Variants in CARD10 observed in about 807,000 individuals in gnomAD.
CARD10 encodes the protein caspase recruitment domain family member 10.
In CARD10, 49 loss-of-function variants were observed where a neutral mutation model predicts 114.6. The observed-to-expected ratio is 0.43, with a 90% CI of 0.34 to 0.54. The LOEUF (loss-of-function observed/expected upper bound fraction) is 0.54, where lower values mean the gene tolerates loss of function less well. Ranked by LOEUF, CARD10 falls within the 20% of genes least tolerant of loss-of-function variation. The probability of loss-of-function intolerance (pLI) is 0.03; values close to 1 mark genes in which losing one functional copy is unlikely to be tolerated. For missense variants in CARD10, 1,206 were observed against 1,397.2 expected (o/e 0.86, Z 2.18); for synonymous variants, 602 against 593.2 (o/e 1.01, Z -0.21).
intron 11 of CARD10, among the ~76,000 whole-genome samples, chr22:37,500,744 C>T (rs1036584602): frequency 1.4e-4 from 22 of 152,214 alleles, no homozygotes; most frequent in African/African-American, 4.6e-4. Context: ...TGTCTCTGTA[C>T]TTCAGTGTCC....
chr22:37,509,136 C>A, intron 4 of CARD10: 4 of 1,489,290 alleles, frequency 2.7e-6, no homozygotes, highest in Non-Finnish European at 3.6e-6. Flanking sequence ...CAGACCCACA[C>A]CCCAGCCAAG....
At chr22:37,498,537 C>A (rs1379538201) in intron 11 of CARD10, among the ~76,000 whole-genome samples, 3 of 152,222 alleles carry the variant, frequency 2.0e-5, no homozygotes, top group Non-Finnish European at 4.4e-5. Flanking sequence ...GCACTGCCCC[C>A]TGCTGCCAGC....
In CARD10 at chr22:37,504,491, C is replaced by G. The variant is rs369328384; in HGVS notation, c.1518+144G>C. On this transcript the variant is annotated intron_variant, in intron 8 of 19. Coordinates refer to ENST00000251973, the MANE Select transcript of CARD10 (RefSeq NM_014550.4). ...ACCTATGCCTGGCAAGGAAATGGTT[C>G]TGGGTGAGCTTCAGTAAAGTACTTG... 79 of 1,347,318 alleles carry G rather than the reference C, an allele frequency of 5.9e-5. No homozygotes were observed. The African/African-American group carries it at 1.0e-3, about 18-fold the overall frequency. The allele number at this position is 1,347,318 out of a possible 1,614,324, so 83.5% of individuals were successfully genotyped here.
In CARD10 at chr22:37,492,914, G is replaced by GCTC; in HGVS notation, c.2477-115_2477-113dup. 8.8e-7 allele frequency: 1 copy of GCTC among 1,142,446 alleles called. No homozygotes were observed. The highest frequency in any genetic ancestry group is 1.5e-5 in the South Asian group (1 of 66,666). 70.8% of individuals were successfully genotyped at this position (1,142,446 alleles called of 1,614,324 possible). A position where few individuals can be genotyped will look rare whatever the true frequency, so the allele number is the denominator to read the frequency against. On this transcript the variant is annotated intron_variant, in intron 16 of 19. Coordinates refer to ENST00000251973, the MANE Select transcript of CARD10 (RefSeq NM_014550.4). This position sits in a 1 kb window ranked among gnomAD's most constrained non-coding sequence, Gnocchi z 5.7. ...CCATCCCTTCCTAAGTCCTGCTGCT[G>GCTC]CTCCTCCTACACATGCACACACACA...
chr22:37,503,977 G>A (rs995778128), intron 9 of CARD10: 18 of 704,142 alleles, frequency 2.6e-5, no homozygotes, highest in Middle Eastern at 4.6e-4. Flanking sequence ...GACTGAGTTC[G>A]CTCTGCCCAT....
At chr22:37,505,593 T>A (rs1341910428) in intron 7 of CARD10, among the ~76,000 whole-genome samples, 1 of 151,336 alleles carries the variant, frequency 6.6e-6, no homozygotes. Flanking sequence ...CGAGAATAAC[T>A]TGAACCTGGG....
chr22:37,508,785 A>C, intron 4 of CARD10, 103 bp from the exon 5 acceptor site: 5 of 1,328,524 alleles, frequency 3.8e-6, no homozygotes, highest in Non-Finnish European at 4.1e-6. Flanking sequence ...AACCCACCTG[A>C]CCAGCTCTGC....
At chr22:37,507,175 G>A (rs962821777) in intron 6 of CARD10, among the ~76,000 whole-genome samples, 2 of 152,202 alleles carry the variant, frequency 1.3e-5, no homozygotes, top group Non-Finnish European at 2.9e-5. Context: ...TACTTGGGAG[G>A]CTGAGGCAGG....
At position 37,494,187 on chromosome 22, in the gene CARD10, A is replaced by G; in HGVS notation, c.2375T>C (p.Leu792Pro). The change falls in exon 16 of 20, where the codon CTG becomes CCG. Residue 792 changes from leucine to proline, a missense_variant and splice_region_variant. Around this residue, in one of 2 missense-constraint regions of CARD10, gnomAD observed 1,068 missense variants for 1,179.1 expected, o/e 0.91. Transcript: ENST00000251973. ...SSRHRGPRSNLKKRALDQLRL... is the reference protein window; with the variant it reads ...SSRHRGPRSNPKKRALDQLRL... ...CAGCTGGTCCAGGGCTCTCTTCTTCAGCTGGGAGGGTGCAGGGACAGAGGA... is the reference window on the plus strand; with the variant it reads ...CAGCTGGTCCAGGGCTCTCTTCTTCGGCTGGGAGGGTGCAGGGACAGAGGA... The G allele has an allele frequency of 6.4e-7, 1 of 1,551,210 alleles. No homozygotes were observed. The highest frequency in any genetic ancestry group is 1.2e-5 in the South Asian group (1 of 84,132).
chr22:37,494,567 T>C (rs902075095), intron 15 of CARD10: 9 of 243,350 alleles, frequency 3.7e-5, no homozygotes, highest in Non-Finnish European at 6.4e-5. Context: ...CAATGTGACC[T>C]TGGTAGAAAA....
chr22:37,494,976 T>G (rs1449218939), intron 15 of CARD10, among the ~76,000 whole-genome samples: 2 of 152,238 alleles, frequency 1.3e-5, no homozygotes, highest in East Asian at 1.9e-4. Context: ...TTTGTTTTTT[T>G]TTTTGAAACG....
chr22:37,498,968 G>A (rs1449403513), intron 11 of CARD10, among the ~76,000 whole-genome samples: 1 of 151,960 alleles, frequency 6.6e-6, no homozygotes, highest in Non-Finnish European at 1.5e-5. Flanking sequence ...AGGACTCTGG[G>A]GCCTCCAAAC....
intron 2 of CARD10, among the ~76,000 whole-genome samples, chr22:37,517,085 G>C (rs750826238): frequency 1.3e-5 from 2 of 152,172 alleles, no homozygotes; most frequent in African/African-American, 4.8e-5. Flanking sequence ...CTCTTCGCCT[G>C]AGACACATTT....
At chr22:37,510,124 C>T (rs1923579497) in intron 4 of CARD10, 88 bp downstream of exon 4, 2 of 1,099,218 alleles carry the variant, frequency 1.8e-6, no homozygotes, top group African/African-American at 3.1e-5. Flanking sequence ...ATCCCCCACC[C>T]CGCAGCCTGT....
chr22:37,495,974 C>T lies in CARD10; in HGVS notation c.2089G>A (p.Ala697Thr), dbSNP rs771555352. Reference protein sequence around the residue: ...ACQSFHEALEAWAKGPGAEPF... With the variant: ...ACQSFHEALETWAKGPGAEPF... Reference sequence around the variant, plus strand: ...TCGGCACCTGGTCCCTTTGCCCAGGCTTCTAGGGCCTCGTGGAAGGACTGG... The same window carrying T: ...TCGGCACCTGGTCCCTTTGCCCAGGTTTCTAGGGCCTCGTGGAAGGACTGG... Residue 697 changes from alanine to threonine, a missense_variant, in exon 14 of 20, where the codon GCC becomes ACC. Physicochemically the swap from Ala to Thr is moderately conservative, Grantham distance 58. This residue lies in a region of CARD10 where 1,068 missense variants were observed against 1,179.1 expected (regional missense o/e 0.91). Transcript: ENST00000251973. 1 of 1,614,010 alleles carries T rather than the reference C, an allele frequency of 6.2e-7. No individual in the cohort carries two copies. The highest frequency in any genetic ancestry group is 1.1e-5 in the South Asian group (1 of 91,086).
At chr22:37,506,135 GCTCCTGCCAGGACCCCAGC>G in intron 7 of CARD10, 38 bp downstream of exon 7, 1 of 1,359,218 alleles carries the variant, frequency 7.4e-7, no homozygotes, top group East Asian at 2.7e-5. Flanking sequence ...CTGGCCAAGA[GCTCCTGCCAGGACCCCAGC>G]CTTCCTGCCA....
At chr22:37,493,003 C>G (rs562609712) in intron 16 of CARD10, among the ~76,000 whole-genome samples, 21 of 152,270 alleles carry the variant, frequency 1.4e-4, no homozygotes, top group Admixed American at 2.6e-4. Context: ...ATCCCTGCCC[C>G]CTACGGGTCA....
At chr22:37,515,724 A>C (rs1280551215) in intron 3 of CARD10, among the ~76,000 whole-genome samples, 1 of 152,200 alleles carries the variant, frequency 6.6e-6, no homozygotes, top group African/African-American at 2.4e-5. Context: ...ACCAGATGCC[A>C]ATAAATCCCC....
At chr22:37,503,058 C>T in intron 10 of CARD10, 127 bp downstream of exon 10, 4 of 1,069,296 alleles carry the variant, frequency 3.7e-6, no homozygotes, top group Middle Eastern at 2.0e-4. Context: ...CTGGCAGGGG[C>T]CACGGCGGGG....
Sources: allele counts gnomAD v4.1 joint callset (sites outside exome capture counted in the v4.1 genomes callset), GRCh38; gene constraint gnomAD v4.1.1; regional missense constraint gnomAD v4.1.1; non-coding constraint Gnocchi (gnomAD v3.1); transcripts MANE v1.5; gene names NCBI Gene and HGNC (gene_info 2026-07-23, HGNC 2026-07-21).